PLD5: variants seen among roughly 807,000 people sequenced by gnomAD.
The protein encoded by PLD5 is phospholipase D family member 5.
A neutral mutation model predicts 61.1 loss-of-function variants in PLD5; 36 were observed. The observed-to-expected ratio is 0.59, with a 90% CI of 0.45 to 0.78. The LOEUF (loss-of-function observed/expected upper bound fraction) is 0.78, where lower values mean the gene tolerates loss of function less well. Ranked by LOEUF, PLD5 falls within the 30% of genes least tolerant of loss-of-function variation. PLD5 has a pLI of 0.00. For missense variants in PLD5, 515 were observed against 644.4 expected (o/e 0.80, Z 2.17); for synonymous variants, 243 against 242.8 (o/e 1.00, Z -0.01).
rs184867433 is a variant in PLD5 at position 242,269,366 on chromosome 1, A to T, written c.496-3918T>A. 6.0e-3 allele frequency among the ~76,000 whole-genome samples: 915 copies of T among 152,000 alleles called. 5 individuals carry two copies. The highest frequency in any genetic ancestry group is 0.011 in the Non-Finnish European group (724 of 67,994). ...GATGTACAGTAGAGTCGTATGCAGGAAGCTGTACCCCCAAAATAGAGATCC... is the reference window on the plus strand; with the variant it reads ...GATGTACAGTAGAGTCGTATGCAGGTAGCTGTACCCCCAAAATAGAGATCC... On this transcript the variant is annotated intron_variant, in intron 3 of 9. Transcript: ENST00000536534.
At chr1:242,470,792 T>C (rs1204769482) in intron 1 of PLD5, among the ~76,000 whole-genome samples, 1 of 152,152 alleles carries the variant, frequency 6.6e-6, no homozygotes, top group African/African-American at 2.4e-5. Flanking sequence ...ACCCAACGAG[T>C]AAAAACTTAT....
Position 242,457,327 on chromosome 1 carries a change from C to A in PLD5, c.189+66761G>T, listed in dbSNP as rs569734783. 4.6e-5 allele frequency among the ~76,000 whole-genome samples: 7 copies of A among 152,302 alleles called. No homozygotes were observed. In the South Asian group the frequency reaches 1.5e-3, roughly 32 times the overall value. ...CAAAAAGAGGGGGATAAGGAGTTGT[C>A]TACCCCTCACATACAACTAAACTGG... On this transcript the variant is annotated intron_variant, in intron 1 of 9. Transcript: ENST00000536534.
chr1:242,099,549 C>T (rs1438445452), intron 9 of PLD5, among the ~76,000 whole-genome samples: 2 of 152,182 alleles, frequency 1.3e-5, no homozygotes, highest in Non-Finnish European at 2.9e-5. Flanking sequence ...GCAGTGTCTG[C>T]AGGGGCGGGA....
chr1:242,258,645 A>G (rs1441354587), intron 4 of PLD5, among the ~76,000 whole-genome samples: 1 of 152,212 alleles, frequency 6.6e-6, no homozygotes, highest in Non-Finnish European at 1.5e-5. Flanking sequence ...TTCAGTCAAC[A>G]AACCATTTAA....
chr1:242,150,859 C>A (rs1472233704), intron 5 of PLD5, among the ~76,000 whole-genome samples: 1 of 151,682 alleles, frequency 6.6e-6, no homozygotes, highest in Non-Finnish European at 1.5e-5. Context: ...TTTTCCTCAT[C>A]TATTTGTTGT....
In PLD5 at chr1:242,462,591, T is replaced by A. The variant is rs193155601; in HGVS notation, c.189+61497A>T. ...AAATCTGCACATGGACCCCCCTGTA[T>A]CTAAAATAAAAGTTGAAATAAAAAA... On this transcript the variant is annotated intron_variant, in intron 1 of 9. Transcript: ENST00000536534. 4.2e-5 allele frequency among the ~76,000 whole-genome samples: 6 copies of A among 142,894 alleles called. No homozygotes were observed. In the Admixed American group the frequency reaches 4.4e-4, roughly 10 times the overall value. The allele number at this position is 142,894 out of a possible 152,430, so 93.7% of individuals were successfully genotyped here. A position where few individuals can be genotyped will look rare whatever the true frequency, so the allele number is the denominator to read the frequency against.
At chr1:242,112,647 A>G (rs1345173860) in intron 7 of PLD5, among the ~76,000 whole-genome samples, 2 of 152,208 alleles carry the variant, frequency 1.3e-5, no homozygotes, top group African/African-American at 4.8e-5. Flanking sequence ...TTATTTGCGT[A>G]AAGAAGCTAC....
chr1:242,114,291 AATT>A (rs1661771020), intron 6 of PLD5, among the ~76,000 whole-genome samples: 1 of 152,206 alleles, frequency 6.6e-6, no homozygotes, highest in African/African-American at 2.4e-5. Flanking sequence ...TGTATTAAAA[AATT>A]TAATTGATAC....
chr1:242,158,263 C>T (rs76749213), intron 5 of PLD5, among the ~76,000 whole-genome samples: 2,977 of 152,226 alleles, frequency 0.02, 113 homozygotes, highest in African/African-American at 0.068. Context: ...GTGTGGGACC[C>T]GCTGAACCAG....
chr1:242,288,082 C>T (rs1451494913), intron 3 of PLD5, among the ~76,000 whole-genome samples: 1 of 152,222 alleles, frequency 6.6e-6, no homozygotes, highest in Non-Finnish European at 1.5e-5. Flanking sequence ...ATGTAAATAG[C>T]ACGCCCTGAA....
intron 1 of PLD5, among the ~76,000 whole-genome samples, chr1:242,418,881 A>C (rs1018631845): frequency 1.3e-5 from 2 of 152,226 alleles, no homozygotes; most frequent in African/African-American, 4.8e-5. Context: ...TCATGTGGCA[A>C]TGCCAGCACC....
At chr1:242,471,925 T>C (rs756894342) in intron 1 of PLD5, among the ~76,000 whole-genome samples, 1 of 152,222 alleles carries the variant, frequency 6.6e-6, no homozygotes, top group Non-Finnish European at 1.5e-5. Flanking sequence ...ATTAAGTCAG[T>C]GAAGTGATAG....
At chr1:242,524,784 C>T (rs1443904926), upstream of PLD5, 1 of 150,066 alleles carries the variant, frequency 6.7e-6, no homozygotes, top group African/African-American at 2.4e-5. Context: ...CAGCCCGCGC[C>T]TGCAGGTTGG....
chr1:242,183,674 T>A (rs1667667668), intron 5 of PLD5, among the ~76,000 whole-genome samples: 1 of 152,152 alleles, frequency 6.6e-6, no homozygotes, highest in African/African-American at 2.4e-5. Flanking sequence ...GGCAGGTGGA[T>A]CATGAGGTCA....
At chr1:242,102,720 T>C (rs956231528) in intron 8 of PLD5, among the ~76,000 whole-genome samples, 1 of 152,234 alleles carries the variant, frequency 6.6e-6, no homozygotes. Flanking sequence ...TGTAAGAGTT[T>C]ATCACCCATC....
intron 5 of PLD5, among the ~76,000 whole-genome samples, chr1:242,183,141 C>T (rs1449793639): frequency 2.0e-5 from 3 of 152,196 alleles, no homozygotes; most frequent in Non-Finnish European, 4.4e-5. Context: ...ATTTCTCCCA[C>T]AGGCTTCTGA....
At chr1:242,397,001 C>G (rs1009215092) in intron 1 of PLD5, among the ~76,000 whole-genome samples, 2 of 151,962 alleles carry the variant, frequency 1.3e-5, no homozygotes, top group Non-Finnish European at 2.9e-5. Context: ...TACTCTCTGG[C>G]CCCTCTTTTT....
intron 1 of PLD5, among the ~76,000 whole-genome samples, chr1:242,396,417 C>G (rs909653314): frequency 6.6e-5 from 10 of 152,154 alleles, no homozygotes; most frequent in Non-Finnish European, 5.9e-5. Context: ...ACTTTGCCCT[C>G]CAGCTACCAT....
chr1:242,524,996 G>A (rs1669406616), upstream of PLD5, among the ~76,000 whole-genome samples: 1 of 152,140 alleles, frequency 6.6e-6, no homozygotes, highest in South Asian at 2.1e-4. Context: ...GCTCCGGAGG[G>A]AGACACTCAG....
Sources: gnomAD v4.1 joint callset for allele counts (sites outside exome capture counted in the v4.1 genomes callset) on GRCh38, gnomAD v4.1.1 for gene constraint, MANE v1.5 for transcripts, NCBI Gene and HGNC (gene_info 2026-07-23, HGNC 2026-07-21) for gene names.